Variants in RPH3A observed in about 807,000 individuals in gnomAD.
The protein encoded by RPH3A is rabphilin 3A.
Under a neutral mutation model 102.2 loss-of-function variants are expected in RPH3A, and 48 were observed. That is an observed-to-expected ratio of 0.47 (90% confidence interval 0.37 to 0.60). The LOEUF is 0.60. Ranked by LOEUF, RPH3A falls within the 20% of genes least tolerant of loss-of-function variation. The pLI is 0.00. For synonymous variants in RPH3A, 310 were observed against 324.3 expected, an observed-to-expected ratio of 0.96 and a Z score of 0.47; for missense variants, 781 against 910.1, an observed-to-expected ratio of 0.86 and a Z score of 1.83.
intron 1 of RPH3A, among the ~76,000 whole-genome samples, chr12:112,647,781 G>C (rs572291799): frequency 7.4e-4 from 112 of 152,340 alleles, no homozygotes; most frequent in Non-Finnish European, 1.3e-3. Flanking sequence ...CCCTGAGGCA[G>C]TGAACGGTTT....
chr12:112,788,936 G>A (rs1407026574), upstream of RPH3A, among the ~76,000 whole-genome samples: 2 of 152,108 alleles, frequency 1.3e-5, no homozygotes, highest in Non-Finnish European at 2.9e-5. Flanking sequence ...ACGTGGGCAG[G>A]TCGCTTGAGG....
At chr12:112,646,339 T>C (rs2039930234) in intron 1 of RPH3A, among the ~76,000 whole-genome samples, 1 of 152,242 alleles carries the variant, frequency 6.6e-6, no homozygotes, top group African/African-American at 2.4e-5. Flanking sequence ...GGTGATAAGA[T>C]GGCTCTCTCA....
chr12:112,822,706 A>T (rs1196252852), intron 2 of RPH3A, among the ~76,000 whole-genome samples: 1 of 152,242 alleles, frequency 6.6e-6, no homozygotes, highest in Non-Finnish European at 1.5e-5. Context: ...TGTTTGAAGG[A>T]ATTTAAGCAG....
At chr12:112,794,248 C>T (rs1241804259) in intron 2 of RPH3A, among the ~76,000 whole-genome samples, 5 of 152,220 alleles carry the variant, frequency 3.3e-5, no homozygotes, top group African/African-American at 1.2e-4. Context: ...CCCATCTATG[C>T]AATGGGGCAG....
intron 1 of RPH3A, among the ~76,000 whole-genome samples, chr12:112,711,014 A>G (rs554890026): frequency 2.0e-5 from 3 of 151,986 alleles, no homozygotes; most frequent in African/African-American, 7.2e-5. Context: ...AGTTCAGAAG[A>G]ACTCCAAGCA....
chr12:112,712,069 T>A (rs1453466291), intron 1 of RPH3A, among the ~76,000 whole-genome samples: 1 of 152,132 alleles, frequency 6.6e-6, no homozygotes, highest in Non-Finnish European at 1.5e-5. Flanking sequence ...TGACCTCAGG[T>A]GATCTGCCCT....
intron 1 of RPH3A, among the ~76,000 whole-genome samples, chr12:112,768,653 C>G (rs972558438): frequency 1.3e-5 from 2 of 152,202 alleles, no homozygotes; most frequent in Non-Finnish European, 1.5e-5. Flanking sequence ...TGGCTAATGC[C>G]TATAATCTCA....
intron 1 of RPH3A, among the ~76,000 whole-genome samples, chr12:112,602,356 T>A (rs572645680): frequency 4.1e-4 from 62 of 152,318 alleles, no homozygotes; most frequent in African/African-American, 1.5e-3. Context: ...TGGAGCTTGC[T>A]GGCCGCCAGG....
intron 1 of RPH3A, among the ~76,000 whole-genome samples, chr12:112,752,025 G>T (rs1207010720): frequency 6.6e-6 from 1 of 152,180 alleles, no homozygotes; most frequent in African/African-American, 2.4e-5. Flanking sequence ...GTGTACCCCA[G>T]TGTTAAGATT....
intron 1 of RPH3A, among the ~76,000 whole-genome samples, chr12:112,732,584 C>T (rs1052612689): frequency 6.6e-6 from 1 of 152,134 alleles, no homozygotes; most frequent in African/African-American, 2.4e-5. Flanking sequence ...TGGGATCCAC[C>T]CTAGTGGGAA....
intron 10 of RPH3A, among the ~76,000 whole-genome samples, chr12:112,871,038 T>C (rs1291042613): frequency 2.0e-5 from 3 of 152,252 alleles, no homozygotes; most frequent in African/African-American, 7.2e-5. Flanking sequence ...AGAGAGGCGA[T>C]GCTACTTGCC....
At chr12:112,621,503 C>A (rs1318049735) in intron 1 of RPH3A, among the ~76,000 whole-genome samples, 1 of 147,334 alleles carries the variant, frequency 6.8e-6, no homozygotes, top group African/African-American at 2.6e-5. Context: ...TTCAGACCGG[C>A]TTAAAAAACG....
rs536750062 is a variant in RPH3A at position 112,677,599 on chromosome 12, G to A, written c.-140+102280G>A. On this transcript the variant is annotated intron_variant, in intron 1 of 21. Transcript: ENST00000543106. ...ACAGTTGTGAGCCACCCCACCCTGC[G>A]AGCCTGTAATGTTCTACCTGGATGA... Among the ~76,000 whole-genome samples, 10 of 151,346 alleles carry A rather than the reference G, an allele frequency of 6.6e-5. No individual in the cohort carries two copies. In the South Asian group the frequency reaches 1.9e-3, roughly 29 times the overall value.
At chr12:112,867,025 C>T (rs542556577) in intron 7 of RPH3A, among the ~76,000 whole-genome samples, 185 bp downstream of exon 7, 2 of 151,894 alleles carry the variant, frequency 1.3e-5, no homozygotes, top group African/African-American at 4.8e-5. Flanking sequence ...TCCTTCCCAT[C>T]CTCTCTTCTT....
chr12:112,711,340 C>T (rs765496538), intron 1 of RPH3A, among the ~76,000 whole-genome samples: 2 of 152,022 alleles, frequency 1.3e-5, no homozygotes, highest in Non-Finnish European at 2.9e-5. Flanking sequence ...CAATCCTGGG[C>T]CTCCCTCCTC....
chr12:112,738,113 T>C (rs749991994), intron 1 of RPH3A, among the ~76,000 whole-genome samples: 1 of 152,184 alleles, frequency 6.6e-6, no homozygotes, highest in African/African-American at 2.4e-5. Flanking sequence ...GCCTCAAATC[T>C]CTGCCTTTAT....
Position 112,774,816 on chromosome 12 carries a change from CAGTAGGAAAAAT to C in RPH3A, c.-139-17312_-139-17301del, listed in dbSNP as rs565938120. Among the ~76,000 whole-genome samples, 370 of 151,922 alleles carry C rather than the reference CAGTAGGAAAAAT, an allele frequency of 2.4e-3. 2 individuals carry two copies. Among genetic ancestry groups the C allele is most frequent in the African/African-American group, 8.2e-3 (338 of 41,364 alleles). On this transcript the variant is annotated intron_variant, in intron 1 of 21. Coordinates refer to the RPH3A transcript ENST00000543106. ...GGGCGGAGAGCAGTAGGAAAAATAG[CAGTAGGAAAAAT>C]AGTAGGAAAAATAGGAAAAATTGCA...
intron 19 of RPH3A, chr12:112,893,288 T>G (rs967474725): frequency 3.9e-5 from 6 of 152,218 alleles, no homozygotes; most frequent in African/African-American, 1.4e-4. Flanking sequence ...TAACTTCTAA[T>G]TCCTCATTTT....
At chr12:112,692,606 A>G (rs1231795015) in intron 1 of RPH3A, among the ~76,000 whole-genome samples, 1 of 152,072 alleles carries the variant, frequency 6.6e-6, no homozygotes, top group Non-Finnish European at 1.5e-5. Flanking sequence ...CTGGGGGTGA[A>G]CACCAATTTG....
Sources: gnomAD v4.1 joint callset for allele counts (sites outside exome capture counted in the v4.1 genomes callset) on GRCh38, gnomAD v4.1.1 for gene constraint, MANE v1.5 for transcripts, NCBI Gene and HGNC (gene_info 2026-07-23, HGNC 2026-07-21) for gene names.